The following FGF14 variants were observed in gnomAD, a reference collection of about 807,000 sequenced individuals.
The protein encoded by FGF14 is fibroblast growth factor homologous factor 4.
Under a neutral mutation model 25.5 loss-of-function variants are expected in FGF14, and 5 were observed. That is an observed-to-expected ratio of 0.20 (90% CI 0.10 to 0.41). FGF14 has a LOEUF of 0.41. FGF14 is among the 10% of genes least tolerant of loss of function. The pLI, the probability that FGF14 is intolerant of heterozygous loss-of-function variation, is 1.00. For synonymous variants in FGF14, 138 were observed against 118.3 expected (o/e 1.17, Z -1.08); for missense variants, 222 against 320.1 (o/e 0.69, Z 2.34).
intron 1 of FGF14, among the ~76,000 whole-genome samples, chr13:102,278,584 C>G (rs2053659660): frequency 6.6e-6 from 1 of 151,242 alleles, no homozygotes; most frequent in African/African-American, 2.4e-5. Flanking sequence ...CCCCAAAATG[C>G]AAGTGTAAGC....
Position 101,975,562 on chromosome 13 carries a change from G to C in FGF14, c.209-100266C>G, listed in dbSNP as rs886654603. On this transcript the variant is annotated intron_variant, in intron 1 of 4. Transcript: ENST00000376131. ...CATGGTTTACCTGCTTAAACACAGG[G>C]CTGTGTCTTAATCATGGTTTTAGCT... Among the ~76,000 whole-genome samples the C allele has an allele frequency of 3.3e-5, 5 of 152,312 alleles. No individual in the cohort carries two copies. The East Asian group carries it at 9.7e-4, about 29-fold the overall frequency.
chr13:102,112,051 C>A (rs1422746075), intron 1 of FGF14, among the ~76,000 whole-genome samples: 2 of 152,018 alleles, frequency 1.3e-5, no homozygotes, highest in East Asian at 3.9e-4. Flanking sequence ...TACTTTAAAC[C>A]CAATTAATAA....
chr13:102,100,001 C>A (rs2044584554), intron 1 of FGF14, among the ~76,000 whole-genome samples: 1 of 152,032 alleles, frequency 6.6e-6, no homozygotes. Flanking sequence ...GAGGCTTAGA[C>A]AACTATAGAC....
intron 3 of FGF14, among the ~76,000 whole-genome samples, chr13:101,781,989 A>G (rs932443608): frequency 2.0e-5 from 3 of 152,108 alleles, no homozygotes; most frequent in Non-Finnish European, 2.9e-5. Flanking sequence ...AATTCAGTAC[A>G]TGTTCTTTTT....
chr13:102,369,267 G>A (rs1416816549), intron 1 of FGF14, among the ~76,000 whole-genome samples: 1 of 152,122 alleles, frequency 6.6e-6, no homozygotes, highest in Non-Finnish European at 1.5e-5. Context: ...TATGCCCACT[G>A]CAGCACAGAA....
At chr13:102,169,959 A>G (rs2048179613) in intron 1 of FGF14, among the ~76,000 whole-genome samples, 1 of 152,262 alleles carries the variant, frequency 6.6e-6, no homozygotes, top group East Asian at 1.9e-4. Context: ...AAATAGCCAC[A>G]TTTGGCTAGT....
intron 1 of FGF14, among the ~76,000 whole-genome samples, chr13:102,215,208 A>G (rs527321804): frequency 6.6e-6 from 1 of 152,358 alleles, no homozygotes; most frequent in East Asian, 1.9e-4. Context: ...CCAGCTGCAC[A>G]GAGCTGAGGC....
At chr13:102,000,122 T>C (rs1358863565) in intron 1 of FGF14, among the ~76,000 whole-genome samples, 1 of 152,224 alleles carries the variant, frequency 6.6e-6, no homozygotes, top group East Asian at 1.9e-4. Context: ...GAGACCATCC[T>C]GGCTAACACG....
At chr13:101,843,838 G>C (rs977149712) in intron 3 of FGF14, among the ~76,000 whole-genome samples, 12 of 151,992 alleles carry the variant, frequency 7.9e-5, no homozygotes, top group Non-Finnish European at 1.3e-4. Context: ...TGCATGTAAA[G>C]AGAGCTCTGT....
At chr13:101,813,533 A>C (rs1015111563) in intron 3 of FGF14, among the ~76,000 whole-genome samples, 1 of 152,144 alleles carries the variant, frequency 6.6e-6, no homozygotes, top group African/African-American at 2.4e-5. Context: ...TGAACTTCCC[A>C]GCCCCTAGAA....
chr13:102,385,257 G>C (rs766875418), intron 1 of FGF14, among the ~76,000 whole-genome samples: 3 of 152,066 alleles, frequency 2.0e-5, no homozygotes, highest in Non-Finnish European at 2.9e-5. Context: ...AAAAATCATG[G>C]TATCAGACAA....
chr13:102,313,345 G>A (rs1350124364), intron 1 of FGF14, among the ~76,000 whole-genome samples: 1 of 152,186 alleles, frequency 6.6e-6, no homozygotes, highest in Non-Finnish European at 1.5e-5. Flanking sequence ...CAGAAGTGGA[G>A]AACTCAGAAA....
intron 3 of FGF14, among the ~76,000 whole-genome samples, chr13:101,770,426 A>G (rs919898977): frequency 1.1e-4 from 16 of 152,152 alleles, no homozygotes; most frequent in Admixed American, 6.6e-4. Context: ...AAACATTTGG[A>G]TAATGAATGA....
intron 1 of FGF14, among the ~76,000 whole-genome samples, chr13:102,204,970 G>C (rs1040137453): frequency 5.3e-5 from 8 of 152,154 alleles, no homozygotes; most frequent in Non-Finnish European, 1.2e-4. Context: ...AAAATGTCTT[G>C]GTACAAGTTA....
chr13:101,793,682 TCA>T (rs1332265357), intron 3 of FGF14, among the ~76,000 whole-genome samples: 1 of 152,058 alleles, frequency 6.6e-6, no homozygotes, highest in African/African-American at 2.4e-5. Flanking sequence ...CAGCACTCAT[TCA>T]CAGTCCCACC....
At chr13:102,142,019 G>A (rs961235123) in intron 1 of FGF14, among the ~76,000 whole-genome samples, 2 of 151,824 alleles carry the variant, frequency 1.3e-5, no homozygotes, top group Admixed American at 1.3e-4. Context: ...CATGCATGAG[G>A]GAAATAAGAA....
intron 1 of FGF14, among the ~76,000 whole-genome samples, chr13:102,386,138 T>C (rs968024079): frequency 6.6e-6 from 1 of 151,372 alleles, no homozygotes; most frequent in Non-Finnish European, 1.5e-5. Context: ...CAGTAATTTT[T>C]TTTTTTTTTT....
At chr13:101,776,164 G>A (rs957416018) in intron 3 of FGF14, among the ~76,000 whole-genome samples, 3 of 152,102 alleles carry the variant, frequency 2.0e-5, no homozygotes, top group African/African-American at 7.2e-5. Context: ...TATTATCAGT[G>A]GGGATATCAG....
At chr13:102,092,045 G>A (rs2044188728) in intron 1 of FGF14, among the ~76,000 whole-genome samples, 1 of 152,172 alleles carries the variant, frequency 6.6e-6, no homozygotes, top group South Asian at 2.1e-4. Flanking sequence ...TACTGGTACT[G>A]ACTGATGTGG....
Sources: allele counts gnomAD v4.1 joint callset (sites outside exome capture counted in the v4.1 genomes callset), GRCh38; gene constraint gnomAD v4.1.1; transcripts MANE v1.5; gene names NCBI Gene and HGNC (gene_info 2026-07-23, HGNC 2026-07-21).